The following MIGA2 variants were observed in gnomAD, a reference collection of about 807,000 sequenced individuals.
MIGA2 encodes family with sequence similarity 73, member B.
A neutral mutation model predicts 69.9 loss-of-function variants in MIGA2; 36 were observed. The ratio of observed to expected loss-of-function variants is 0.52; its 90% CI spans 0.39 to 0.68. MIGA2 has a LOEUF of 0.68. Among genes scored for constraint, MIGA2 ranks in the 30% least tolerant of loss-of-function variants. The pLI, the probability that MIGA2 is intolerant of heterozygous loss-of-function variation, is 0.00. For synonymous variants in MIGA2, 333 were observed against 349.2 expected, an observed-to-expected ratio of 0.95 and a Z score of 0.52; for missense variants, 660 against 787.7, an observed-to-expected ratio of 0.84 and a Z score of 1.94.
intron 2 of MIGA2, chr9:129,042,047 C>T: frequency 1.9e-6 from 1 of 518,958 alleles, no homozygotes; most frequent in Non-Finnish European, 3.6e-6. Context: ...CTTGTGTGCT[C>T]ATGACTGAGG....
In MIGA2 at chr9:129,070,104, G is replaced by C. The variant is rs1050545836; in HGVS notation, c.1575+139G>C. Reference sequence around the variant, plus strand: ...GCAGAGCCAGACCCACATGGGTCCAGAGGAAGCAGTGGGAGGGAGGAGCCT... The same window carrying C: ...GCAGAGCCAGACCCACATGGGTCCACAGGAAGCAGTGGGAGGGAGGAGCCT... On this transcript the variant is annotated intron_variant, in intron 15 of 15. Transcript: ENST00000684074. The C allele has an allele frequency of 4.0e-6, 5 of 1,243,620 alleles. No homozygotes were observed. The African/African-American group carries it at 7.4e-5, about 18-fold the overall frequency. The allele number at this position is 1,243,620 out of a possible 1,614,324, so 77.0% of individuals were successfully genotyped here.
At chr9:129,064,276 G>T (rs1846220817) in intron 11 of MIGA2, among the ~76,000 whole-genome samples, 1 of 151,092 alleles carries the variant, frequency 6.6e-6, no homozygotes, top group African/African-American at 2.4e-5. Context: ...GCATGATCTC[G>T]GCTCACTGCA....
In MIGA2 at chr9:129,060,141, G is replaced by A. The variant is rs1486182813; in HGVS notation, c.794-409G>A. Among the ~76,000 whole-genome samples the A allele has an allele frequency of 6.6e-6, 1 of 152,172 alleles. No homozygotes were observed. Among genetic ancestry groups the A allele is most frequent in the Non-Finnish European group, 1.5e-5 (1 of 68,026 alleles). On this transcript the variant is annotated intron_variant, in intron 7 of 15. Transcript: ENST00000684074. The surrounding 1 kb of genome is among the most constrained non-coding windows in gnomAD (Gnocchi z 4.8). ...CAGGTTAGTGGCTGTGGACTCTTTCGAGCCCTTGGTATCAATGGCTGAGTT... is the reference window on the plus strand; with the variant it reads ...CAGGTTAGTGGCTGTGGACTCTTTCAAGCCCTTGGTATCAATGGCTGAGTT...
chr9:129,063,595 A>G lies in MIGA2; in HGVS notation c.1134A>G (p.Arg378=). ...SNQLFFGKVG[R]QMVTGLMTKA... ...AGCTTTTCTTCGGGAAAGTGGGCCG[A>G]CAGATGGTGACAGGCCTGATGACCA... The change falls in exon 11 of 16, where the codon CGA becomes CGG. Residue 378 remains arginine, a synonymous_variant. Transcript: ENST00000684074. 6.6e-7 allele frequency: 1 copy of G among 1,526,550 alleles called. No individual in the cohort carries two copies. The highest frequency in any genetic ancestry group is 8.9e-7 in the Non-Finnish European group (1 of 1,125,942). 94.6% of individuals were successfully genotyped at this position (1,526,550 alleles called of 1,614,324 possible). A position where few individuals can be genotyped will look rare whatever the true frequency, so the allele number is the denominator to read the frequency against.
intron 1 of MIGA2, among the ~76,000 whole-genome samples, chr9:129,039,175 TTG>T (rs61426484): frequency 0.12 from 16,220 of 139,752 alleles, 851 homozygotes; most frequent in East Asian, 0.19. Flanking sequence ...AGCTCTTTGT[TTG>T]TGTGTGTGTG....
intron 2 of MIGA2, chr9:129,042,052 C>T (rs890603499): frequency 5.5e-5 from 29 of 527,282 alleles, no homozygotes; most frequent in Non-Finnish European, 8.5e-5. Flanking sequence ...GTGCTCATGA[C>T]TGAGGGTGCT....
At position 129,068,037 on chromosome 9, in the gene MIGA2, A is replaced by T. The variant is rs760632342; in HGVS notation, c.1270-161A>T. The stretch of plus-strand genomic sequence containing the variant: ...GCCCCAGGCCAAGGCAGAGGGAGGA[A>T]TGGCCTCAGCTACACCCGTTGCACA... On this transcript the variant is annotated intron_variant, in intron 12 of 15. Coordinates refer to ENST00000684074, the MANE Select transcript of MIGA2 (RefSeq NM_001329990.2). This position sits in a 1 kb window ranked among gnomAD's most constrained non-coding sequence, Gnocchi z 4.1. 11 of 1,259,590 alleles carry T rather than the reference A, an allele frequency of 8.7e-6. No homozygotes were observed. Among genetic ancestry groups the T allele is most frequent in the Non-Finnish European group, 1.2e-5 (11 of 881,914 alleles). 78.0% of individuals were successfully genotyped at this position (1,259,590 alleles called of 1,614,324 possible).
intron 3 of MIGA2, among the ~76,000 whole-genome samples, chr9:129,044,751 C>T (rs1402216887): frequency 6.6e-6 from 1 of 151,584 alleles, no homozygotes. Context: ...TGGGGTTTCA[C>T]CATGTTGGCC....
chr9:129,061,314 G>A lies in MIGA2; in HGVS notation c.978G>A (p.Val326=). 2 of 1,564,668 alleles carry A rather than the reference G, an allele frequency of 1.3e-6. No homozygotes were observed. Among genetic ancestry groups the A allele is most frequent in the Non-Finnish European group, 1.7e-6 (2 of 1,149,178 alleles). ...CCTATGAGGAGGCCCTGCAGCTGGT[G>A]AAGGAGGGGAGAGTGCCTTGCCGGA... ...AAAYEEALQL[V]KEGRVPCRTL... Residue 326 remains valine (V), a synonymous_variant, in exon 9 of 16, where the codon GTG becomes GTA. Transcript: ENST00000684074. The surrounding 1 kb of genome is among the most constrained non-coding windows in gnomAD (Gnocchi z 5.0).
At position 129,063,628 on chromosome 9, in the gene MIGA2, G is replaced by A; in HGVS notation, c.1167G>A (p.Glu389=). The change falls in exon 11 of 16, where the codon GAG becomes GAA. Residue 389 remains glutamate (E), a synonymous_variant. Coordinates refer to ENST00000684074, the MANE Select transcript of MIGA2 (RefSeq NM_001329990.2). ...QMVTGLMTKA[E]KSPKGFLESY... ...TGACAGGCCTGATGACCAAGGCTGA[G>A]AAGGTAGCAGGGGGTGGGGTGGGGG... 1 of 742,978 alleles carries A rather than the reference G, an allele frequency of 1.3e-6. No homozygotes were observed. Among genetic ancestry groups the A allele is most frequent in the Non-Finnish European group, 2.2e-6 (1 of 449,772 alleles). The allele number at this position is 742,978 out of a possible 1,614,324, so 46.0% of individuals were successfully genotyped here. A position where few individuals can be genotyped will look rare whatever the true frequency, so the allele number is the denominator to read the frequency against.
In MIGA2 at chr9:129,067,829, C is replaced by T. The variant is rs756024642; in HGVS notation, c.1227C>T (p.Pro409=). 2.0e-5 allele frequency: 32 copies of T among 1,613,110 alleles called. No individual in the cohort carries two copies. Among genetic ancestry groups the T allele is most frequent in the African/African-American group, 1.1e-4 (8 of 74,944 alleles). The part of the protein sequence containing the change: ...YEEMLSYALR[P]ETWATTRLEL... Reference sequence around the variant, plus strand: ...AGATGCTGAGCTATGCCCTGCGGCCCGAGACCTGGGCCACAACACGGCTGG... The same window carrying T: ...AGATGCTGAGCTATGCCCTGCGGCCTGAGACCTGGGCCACAACACGGCTGG... Residue 409 remains proline, a synonymous_variant, in exon 12 of 16, where the codon CCC becomes CCT. Coordinates refer to ENST00000684074, the MANE Select transcript of MIGA2 (RefSeq NM_001329990.2).
At chr9:129,041,385 T>C (rs1239647349) in intron 2 of MIGA2, among the ~76,000 whole-genome samples, 1 of 151,822 alleles carries the variant, frequency 6.6e-6, no homozygotes, top group Non-Finnish European at 1.5e-5. Context: ...TCCCAGCTAC[T>C]TGGGAGGCTG....
In MIGA2 at chr9:129,067,866, C is replaced by G; in HGVS notation, c.1264C>G (p.Arg422Gly). Residue 422 changes from arginine to glycine, a missense_variant, in exon 12 of 16, where the codon CGA becomes GGA. Around this residue, in one of 3 missense-constraint regions of MIGA2, gnomAD observed 220 missense variants for 301.7 expected, o/e 0.73. Coordinates refer to ENST00000684074, the MANE Select transcript of MIGA2 (RefSeq NM_001329990.2). The stretch of plus-strand genomic sequence containing the variant: ...CACAACACGGCTGGAGCTGGAGGGC[C>G]GAGGGGTGAGTTGCTTTGTGCTGAA... Reference protein sequence around the residue: ...WATTRLELEGRGVVCMSFFDI... With the variant: ...WATTRLELEGGGVVCMSFFDI... The G allele has an allele frequency of 6.2e-7, 1 of 1,611,022 alleles. No individual in the cohort carries two copies. Among genetic ancestry groups the G allele is most frequent in the Non-Finnish European group, 8.5e-7 (1 of 1,179,110 alleles).
rs776583062 is a variant in MIGA2, at chr9:129,042,305, C to T, written c.98C>T (p.Ser33Phe). Residue 33 changes from serine (S) to phenylalanine (F), a missense_variant and splice_region_variant, in exon 3 of 16, where the codon TCT becomes TTT. Coordinates refer to ENST00000684074, the MANE Select transcript of MIGA2 (RefSeq NM_001329990.2). ...GGCAGCGTCTCCTCTTCCCTGCAGT[C>T]TGCATTCTCCCAGCTACGGTTGACG... ...PVFLYTTFGQ[S>F]AFSQLRLTPG... 2 of 1,612,116 alleles carry T rather than the reference C, an allele frequency of 1.2e-6. No individual in the cohort carries two copies. The highest frequency in any genetic ancestry group is 1.7e-5 in the Admixed American group (1 of 60,024).
chr9:129,070,095 A>G (rs1183635627), intron 15 of MIGA2, 130 bp downstream of exon 15: 1 of 1,212,362 alleles, frequency 8.2e-7, no homozygotes, highest in Non-Finnish European at 1.2e-6. Context: ...CCAGACCCAC[A>G]TGGGTCCAGA....
Position 129,068,147 on chromosome 9 carries a change from A to T in MIGA2, c.1270-51A>T, listed in dbSNP as rs1846466347. 6.2e-7 allele frequency: 1 copy of T among 1,612,880 alleles called. No individual in the cohort carries two copies. The highest frequency in any genetic ancestry group is 1.3e-5 in the African/African-American group (1 of 74,878). On this transcript the variant is annotated intron_variant, in intron 12 of 15. Coordinates refer to ENST00000684074, the MANE Select transcript of MIGA2 (RefSeq NM_001329990.2). This position sits in a 1 kb window ranked among gnomAD's most constrained non-coding sequence, Gnocchi z 4.1. ...TCTCCCCATCTGGAAAGTGGCCCCG[A>T]GGCTCCGGCAGTGCCCCCATGCATG...
chr9:129,061,491 A>AC lies in MIGA2; in HGVS notation c.1010+146dup. On this transcript the variant is annotated intron_variant, in intron 9 of 15. Coordinates refer to ENST00000684074, the MANE Select transcript of MIGA2 (RefSeq NM_001329990.2). This position sits in a 1 kb window ranked among gnomAD's most constrained non-coding sequence, Gnocchi z 5.0. ...GCCTGAGGGCCGTGGTGAGCTGGTG[A>AC]CAGCTCCTCCCCCAGCTGCAGAGGG... is the stretch of plus-strand genomic sequence containing the variant. 6 of 681,894 alleles carry AC rather than the reference A, an allele frequency of 8.8e-6. No homozygotes were observed. The highest frequency in any genetic ancestry group is 1.8e-5 in the African/African-American group (1 of 56,122). 42.2% of individuals were successfully genotyped at this position (681,894 alleles called of 1,614,324 possible). A position where few individuals can be genotyped will look rare whatever the true frequency, so the allele number is the denominator to read the frequency against.
intron 3 of MIGA2, among the ~76,000 whole-genome samples, chr9:129,045,017 G>A (rs1845136947): frequency 6.6e-6 from 1 of 152,034 alleles, no homozygotes; most frequent in Non-Finnish European, 1.5e-5. Flanking sequence ...GGCCAACACG[G>A]TGAAACCCTG....
intron 11 of MIGA2, chr9:129,067,476 C>G: frequency 2.6e-6 from 1 of 378,098 alleles, no homozygotes; most frequent in Non-Finnish European, 4.8e-6. Flanking sequence ...CTTCAGCTGC[C>G]TGACTCTAAC....
Sources: allele counts gnomAD v4.1 joint callset (sites outside exome capture counted in the v4.1 genomes callset), GRCh38; gene constraint gnomAD v4.1.1; regional missense constraint gnomAD v4.1.1; non-coding constraint Gnocchi (gnomAD v3.1); transcripts MANE v1.5; gene names NCBI Gene and HGNC (gene_info 2026-07-23, HGNC 2026-07-21).